SLC24A2: variants seen among roughly 807,000 people sequenced by gnomAD.
SLC24A2 encodes the protein sodium/potassium/calcium exchanger 2.
A neutral mutation model predicts 62.0 loss-of-function variants in SLC24A2; 36 were observed. The observed-to-expected ratio is 0.58, with a 90% CI of 0.44 to 0.77. SLC24A2 has a LOEUF of 0.77. SLC24A2 is among the 30% of genes least tolerant of loss of function. The pLI, the probability that SLC24A2 is intolerant of heterozygous loss-of-function variation, is 0.00. For synonymous variants in SLC24A2, 358 were observed against 294.0 expected (o/e 1.22, Z -2.23); for missense variants, 846 against 817.9 (o/e 1.03, Z -0.42).
At chr9:20,296,512 A>G in the SLC24A2 span, among the ~76,000 whole-genome samples, 1 of 152,238 alleles carries the variant, frequency 6.6e-6, no homozygotes, top group Non-Finnish European at 1.5e-5. Flanking sequence ...CATGTATGTA[A>G]AAAATGTTGA....
chr9:20,015,797 C>CT, the SLC24A2 span, among the ~76,000 whole-genome samples: 1 of 152,166 alleles, frequency 6.6e-6, no homozygotes, highest in African/African-American at 2.4e-5. Flanking sequence ...TATTAAGGAT[C>CT]TTTTTTAAAT....
the SLC24A2 span, among the ~76,000 whole-genome samples, chr9:20,241,715 A>T: frequency 6.6e-6 from 1 of 152,128 alleles, no homozygotes; most frequent in Non-Finnish European, 1.5e-5. Context: ...AAGGGACCAT[A>T]AGCGAGTAAT....
the SLC24A2 span, among the ~76,000 whole-genome samples, chr9:20,269,157 T>C: frequency 6.6e-6 from 1 of 152,140 alleles, no homozygotes; most frequent in Non-Finnish European, 1.5e-5. Flanking sequence ...CCTAAGTTGG[T>C]GTGCAGGAGG....
chr9:20,035,797 C>G, the SLC24A2 span, among the ~76,000 whole-genome samples: 2 of 152,078 alleles, frequency 1.3e-5, no homozygotes, highest in Non-Finnish European at 2.9e-5. Context: ...TCTCTCTGAA[C>G]CTTTGAAAGG....
the SLC24A2 span, among the ~76,000 whole-genome samples, chr9:19,994,776 C>A: frequency 2.0e-5 from 3 of 152,166 alleles, no homozygotes; most frequent in African/African-American, 7.2e-5. Context: ...TCTACAGCAC[C>A]CTGAGCTCCT....
chr9:20,014,903 A>T, the SLC24A2 span, among the ~76,000 whole-genome samples: 1 of 152,228 alleles, frequency 6.6e-6, no homozygotes, highest in African/African-American at 2.4e-5. Flanking sequence ...ATAAGAAATG[A>T]TACGTAAGTA....
At chr9:20,295,633 A>T in the SLC24A2 span, among the ~76,000 whole-genome samples, 1 of 152,324 alleles carries the variant, frequency 6.6e-6, no homozygotes, top group African/African-American at 2.4e-5. Flanking sequence ...CTGGTCTTCC[A>T]CTGAAGCTGA....
At chr9:20,232,144 T>G in the SLC24A2 span, among the ~76,000 whole-genome samples, 1 of 152,250 alleles carries the variant, frequency 6.6e-6, no homozygotes, top group African/African-American at 2.4e-5. Flanking sequence ...TTCCAGTATT[T>G]TATTGAGGAT....
chr9:19,544,835 C>T (rs984735953), intron 8 of SLC24A2, among the ~76,000 whole-genome samples: 5 of 152,144 alleles, frequency 3.3e-5, no homozygotes, highest in Admixed American at 6.5e-5. Flanking sequence ...GTAACCTGAC[C>T]TTTCTCTCTG....
the SLC24A2 span, among the ~76,000 whole-genome samples, chr9:20,198,379 G>A: frequency 6.6e-6 from 1 of 152,210 alleles, no homozygotes; most frequent in South Asian, 2.1e-4. Context: ...TCTGGTTTTA[G>A]AGGGAAGCTC....
the SLC24A2 span, among the ~76,000 whole-genome samples, chr9:20,068,276 C>G: frequency 6.6e-6 from 1 of 151,938 alleles, no homozygotes; most frequent in Non-Finnish European, 1.5e-5. Context: ...CTTGGCCAGG[C>G]TGGTTGTGAA....
the SLC24A2 span, among the ~76,000 whole-genome samples, chr9:20,227,791 G>C: frequency 6.6e-6 from 1 of 152,030 alleles, no homozygotes; most frequent in East Asian, 1.9e-4. Context: ...TGGGATAATT[G>C]CCACCAACAA....
chr9:19,921,606 C>A, the SLC24A2 span, among the ~76,000 whole-genome samples: 2 of 151,352 alleles, frequency 1.3e-5, no homozygotes, highest in African/African-American at 2.4e-5. Context: ...GAAAAATAAA[C>A]CTCATTTTTC....
chr9:20,028,070 T>C, the SLC24A2 span, among the ~76,000 whole-genome samples: 5 of 152,292 alleles, frequency 3.3e-5, no homozygotes, highest in Non-Finnish European at 4.4e-5. Flanking sequence ...ACCCCTGGAA[T>C]ACATTTTGGA....
chr9:19,554,195 G>A (rs564869178), intron 7 of SLC24A2, among the ~76,000 whole-genome samples: 4 of 152,220 alleles, frequency 2.6e-5, no homozygotes, highest in African/African-American at 7.2e-5. Flanking sequence ...AGAAGGCAGC[G>A]GCAGCAAGCA....
At chr9:19,918,160 G>GTGTT in the SLC24A2 span, among the ~76,000 whole-genome samples, 2 of 151,640 alleles carry the variant, frequency 1.3e-5, no homozygotes, top group African/African-American at 4.8e-5. Context: ...GTGTGTGTGT[G>GTGTT]TGTGTGTGTG....
the SLC24A2 span, among the ~76,000 whole-genome samples, chr9:19,878,710 C>T: frequency 6.6e-6 from 1 of 152,096 alleles, no homozygotes. Flanking sequence ...GCTTGTTTCC[C>T]CTTTGCCTTC....
chr9:20,298,111 A>G, the SLC24A2 span, among the ~76,000 whole-genome samples: 3 of 152,218 alleles, frequency 2.0e-5, 1 homozygote, highest in African/African-American at 7.2e-5. Flanking sequence ...ACTGATACCC[A>G]TGAAGCTCAG....
At chr9:20,297,869 C>T in the SLC24A2 span, among the ~76,000 whole-genome samples, 1 of 152,246 alleles carries the variant, frequency 6.6e-6, no homozygotes, top group East Asian at 1.9e-4. Flanking sequence ...CACCATCTCC[C>T]CAACTTTGGC....
Sources: allele counts gnomAD v4.1 joint callset (sites outside exome capture counted in the v4.1 genomes callset), GRCh38; gene constraint gnomAD v4.1.1; transcripts MANE v1.5; gene names NCBI Gene and HGNC (gene_info 2026-07-23, HGNC 2026-07-21).